Variants in BLTP3A observed in about 807,000 individuals in gnomAD.
The protein encoded by BLTP3A is bridge-like lipid transfer protein family member 3A.
chr6:34,841,778 A>G, the BLTP3A span, among the ~76,000 whole-genome samples: 1 of 152,208 alleles, frequency 6.6e-6, no homozygotes, highest in Non-Finnish European at 1.5e-5. Context: ...GCAAAGATAG[A>G]AATAAGGCTT....
At chr6:34,848,887 T>C in the BLTP3A span, among the ~76,000 whole-genome samples, 12 of 151,994 alleles carry the variant, frequency 7.9e-5, no homozygotes, top group African/African-American at 2.7e-4. Flanking sequence ...TCCTTCTGAC[T>C]TTCTTTCCTG....
chr6:34,810,998 A>C, the BLTP3A span, among the ~76,000 whole-genome samples: 1 of 152,228 alleles, frequency 6.6e-6, no homozygotes, highest in Non-Finnish European at 1.5e-5. Context: ...TTTCTAGGCT[A>C]TCAGGTTTGT....
the BLTP3A span, chr6:34,857,190 C>A: frequency 1.8e-6 from 2 of 1,142,482 alleles, no homozygotes; most frequent in South Asian, 1.6e-5. Flanking sequence ...TGTGAGAACA[C>A]CTGGAATATA....
chr6:34,868,432 A>G, the BLTP3A span, among the ~76,000 whole-genome samples: 10 of 152,016 alleles, frequency 6.6e-5, no homozygotes, highest in African/African-American at 2.4e-4. Flanking sequence ...CAGCTGTACA[A>G]AAAATACAGG....
At chr6:34,871,860 G>A in the BLTP3A span, 4 of 1,614,242 alleles carry the variant, frequency 2.5e-6, no homozygotes, top group South Asian at 2.2e-5. Context: ...ACTTAAAAGT[G>A]AGAAGAGACA....
chr6:34,848,999 CT>C, the BLTP3A span, among the ~76,000 whole-genome samples: 8 of 50,364 alleles, frequency 1.6e-4, no homozygotes, highest in Non-Finnish European at 2.8e-4. Context: ...TTTTCTTTTT[CT>C]TTTTTTTTTG....
At chr6:34,834,719 A>C in the BLTP3A span, 1 of 1,613,070 alleles carries the variant, frequency 6.2e-7, no homozygotes, top group Non-Finnish European at 8.5e-7. Context: ...CTCTCCTTCC[A>C]GGTTTTAACA....
the BLTP3A span, among the ~76,000 whole-genome samples, chr6:34,820,417 G>T: frequency 1.3e-5 from 2 of 152,080 alleles, no homozygotes; most frequent in African/African-American, 4.8e-5. Context: ...CTCTCCCAGT[G>T]TCAGTTACTG....
At chr6:34,854,696 A>G in the BLTP3A span, among the ~76,000 whole-genome samples, 1 of 152,150 alleles carries the variant, frequency 6.6e-6, no homozygotes, top group Non-Finnish European at 1.5e-5. Flanking sequence ...AGAATTTGGG[A>G]TGGCAAAATG....
chr6:34,847,225 TTC>T, the BLTP3A span, among the ~76,000 whole-genome samples: 14 of 152,156 alleles, frequency 9.2e-5, no homozygotes, highest in African/African-American at 3.1e-4. Context: ...GTTTTCTGTT[TTC>T]TTTTTCTTTT....
the BLTP3A span, among the ~76,000 whole-genome samples, chr6:34,822,188 C>T: frequency 2.6e-5 from 4 of 151,722 alleles, no homozygotes; most frequent in East Asian, 1.9e-4. Flanking sequence ...GTTGTTTTCT[C>T]GGTTTTAGTG....
the BLTP3A span, among the ~76,000 whole-genome samples, chr6:34,847,776 A>G: frequency 7.0e-6 from 1 of 142,728 alleles, no homozygotes; most frequent in Non-Finnish European, 1.5e-5. Context: ...TTTTTTTTCA[A>G]TTTCATTTAT....
the BLTP3A span, among the ~76,000 whole-genome samples, chr6:34,833,166 A>G: frequency 1.3e-5 from 2 of 152,176 alleles, no homozygotes; most frequent in Non-Finnish European, 2.9e-5. Context: ...ATGCAGATCA[A>G]AATATTGCAG....
chr6:34,869,632 A>G, the BLTP3A span, among the ~76,000 whole-genome samples: 2 of 139,840 alleles, frequency 1.4e-5, no homozygotes, highest in African/African-American at 2.8e-5. Context: ...TATTGTATAC[A>G]TACACCACTT....
the BLTP3A span, among the ~76,000 whole-genome samples, chr6:34,828,223 T>C: frequency 6.6e-6 from 1 of 151,698 alleles, no homozygotes; most frequent in South Asian, 2.1e-4. Context: ...GAGGCTGAGG[T>C]GGGCAGATCA....
At chr6:34,801,680 A>T in the BLTP3A span, among the ~76,000 whole-genome samples, 2 of 152,164 alleles carry the variant, frequency 1.3e-5, no homozygotes, top group African/African-American at 4.8e-5. Context: ...ACATAAAAGC[A>T]CAAAATATCG....
At chr6:34,864,185 G>A in the BLTP3A span, 1 of 1,613,710 alleles carries the variant, frequency 6.2e-7, no homozygotes, top group South Asian at 1.1e-5. Context: ...GCTTTGTGAT[G>A]CTCTTGGAGT....
the BLTP3A span, chr6:34,863,887 A>G: frequency 2.0e-6 from 2 of 1,002,226 alleles, no homozygotes; most frequent in Non-Finnish European, 2.8e-6. Context: ...GTATGTTCCT[A>G]ATATTGGGAA....
chr6:34,857,212 C>G, the BLTP3A span: 1 of 1,262,238 alleles, frequency 7.9e-7, no homozygotes, highest in Non-Finnish European at 1.1e-6. Context: ...GTGAAAGACA[C>G]TGTGTTCCCT....
Sources: allele counts gnomAD v4.1 joint callset (sites outside exome capture counted in the v4.1 genomes callset), GRCh38; gene constraint gnomAD v4.1.1; transcripts MANE v1.5; gene names NCBI Gene and HGNC (gene_info 2026-07-23, HGNC 2026-07-21).